The following AMPH variants were observed in gnomAD, a reference collection of about 807,000 sequenced individuals.
AMPH encodes amphiphysin, also known as amphiphysin (Stiff-Mann syndrome with breast cancer 128kD autoantigen).
AMPH carries 49 observed loss-of-function variants against 99.1 expected under a neutral mutation model. The ratio of observed to expected loss-of-function variants is 0.49; its 90% CI spans 0.39 to 0.63. The LOEUF is 0.63. Ranked by LOEUF, AMPH falls within the 20% of genes least tolerant of loss-of-function variation. The pLI, the probability that AMPH is intolerant of heterozygous loss-of-function variation, is 0.00. For missense variants in AMPH, 759 were observed against 863.4 expected (o/e 0.88, Z 1.52); for synonymous variants, 314 against 317.3 (o/e 0.99, Z 0.11).
At chr7:38,464,610 AT>A (rs1253962922) in intron 9 of AMPH, among the ~76,000 whole-genome samples, 1 of 152,200 alleles carries the variant, frequency 6.6e-6, no homozygotes, top group Non-Finnish European at 1.5e-5. Flanking sequence ...CAAATATAGA[AT>A]GTCAGGACTG....
chr7:38,456,990 C>T (rs1340403013), intron 11 of AMPH, among the ~76,000 whole-genome samples: 2 of 152,242 alleles, frequency 1.3e-5, no homozygotes, highest in African/African-American at 2.4e-5. Context: ...ACAACTGACA[C>T]TATTTACAGC....
chr7:38,391,890 C>G lies in AMPH; in HGVS notation c.1736G>C (p.Ser579Thr), dbSNP rs750272675. 2 of 1,612,646 alleles carry G rather than the reference C, an allele frequency of 1.2e-6. No individual in the cohort carries two copies. The highest frequency in any genetic ancestry group is 3.3e-5 in the Admixed American group (2 of 59,834). The change falls in exon 19 of 21, where the codon AGC becomes ACC. Residue 579 changes from serine to threonine, a missense_variant. Ser to Thr is a moderately conservative substitution (Grantham distance 58). Coordinates refer to ENST00000356264, the MANE Select transcript of AMPH (RefSeq NM_001635.4). ...TEDAAPPGPT[S>T]ETPELATEQK... Reference sequence around the variant, plus strand: ...CTCCGTAGCCAGCTCCGGTGTCTCGCTGGTGGGGCCCGGAGGAGCCGCGTC... The same window carrying G: ...CTCCGTAGCCAGCTCCGGTGTCTCGGTGGTGGGGCCCGGAGGAGCCGCGTC...
intron 1 of AMPH, among the ~76,000 whole-genome samples, chr7:38,547,464 C>T (rs1791032198): frequency 6.6e-6 from 1 of 152,210 alleles, no homozygotes; most frequent in South Asian, 2.1e-4. Flanking sequence ...ATACTAATCC[C>T]ACAACAATGG....
intron 1 of AMPH, among the ~76,000 whole-genome samples, chr7:38,548,832 CACAA>C (rs1379356335): frequency 2.6e-5 from 4 of 152,176 alleles, no homozygotes; most frequent in Non-Finnish European, 4.4e-5. Context: ...TTGCATAGTG[CACAA>C]ACAAGCTGGC....
At chr7:38,603,137 G>A (rs551999613) in intron 1 of AMPH, among the ~76,000 whole-genome samples, 22 of 151,948 alleles carry the variant, frequency 1.4e-4, no homozygotes, top group African/African-American at 2.7e-4. Flanking sequence ...GCAACATGGC[G>A]AAACCCCATC....
chr7:38,434,696 A>C (rs1055355520), intron 12 of AMPH, among the ~76,000 whole-genome samples: 18 of 150,872 alleles, frequency 1.2e-4, no homozygotes, highest in Admixed American at 1.3e-4. Flanking sequence ...CCAAGATCGC[A>C]CCACTGCACT....
intron 11 of AMPH, among the ~76,000 whole-genome samples, chr7:38,447,751 AACACACAC>A (rs34380529): frequency 7.2e-6 from 1 of 139,656 alleles, no homozygotes; most frequent in African/African-American, 2.7e-5. Context: ...CAGACAGATA[AACACACAC>A]ACACACACAC....
chr7:38,461,960 T>G (rs73352666), intron 10 of AMPH, among the ~76,000 whole-genome samples: 3,283 of 152,342 alleles, frequency 0.022, 112 homozygotes, highest in African/African-American at 0.072. Context: ...TGGTTCAATC[T>G]ATGATTTTTT....
At chr7:38,457,748 A>G (rs890388698) in intron 11 of AMPH, among the ~76,000 whole-genome samples, 7 of 152,222 alleles carry the variant, frequency 4.6e-5, no homozygotes, top group African/African-American at 1.7e-4. Context: ...TCTCAATGCT[A>G]TATTACAGTC....
At chr7:38,522,649 G>T (rs534021587) in intron 2 of AMPH, among the ~76,000 whole-genome samples, 2 of 152,294 alleles carry the variant, frequency 1.3e-5, no homozygotes, top group Admixed American at 1.3e-4. Flanking sequence ...CAGCTAGAGA[G>T]CTAGAGAGCA....
chr7:38,392,089 G>T, intron 18 of AMPH, 72 bp from the exon 19 acceptor site: 1 of 1,510,230 alleles, frequency 6.6e-7, no homozygotes, highest in Non-Finnish European at 8.9e-7. Context: ...TGCACAACCT[G>T]CCTTAGCCCC....
At chr7:38,463,273 T>G (rs1436940346) in intron 9 of AMPH, 160 bp from the exon 10 acceptor site, 1 of 895,052 alleles carries the variant, frequency 1.1e-6, no homozygotes, top group Non-Finnish European at 1.8e-6. Context: ...ACAGTGATGG[T>G]GATAACTGGT....
At chr7:38,565,444 G>T (rs1419568825) in intron 1 of AMPH, among the ~76,000 whole-genome samples, 1 of 152,156 alleles carries the variant, frequency 6.6e-6, no homozygotes, top group Non-Finnish European at 1.5e-5. Context: ...TCCTTGGCTT[G>T]CAGGTGGCTA....
intron 15 of AMPH, 95 bp from the exon 16 acceptor site, chr7:38,422,572 A>G (rs1344331465): frequency 1.4e-6 from 1 of 701,322 alleles, no homozygotes. Context: ...CTATCTATCT[A>G]TCTATCTATC....
chr7:38,463,191 GA>G (rs578061036), intron 9 of AMPH, 78 bp from the exon 10 acceptor site: 12 of 1,592,988 alleles, frequency 7.5e-6, no homozygotes, highest in Non-Finnish European at 1.0e-5. Context: ...CCATTTCAGA[GA>G]AACCCAGAAG....
chr7:38,430,566 C>T (rs1397806067), intron 13 of AMPH, among the ~76,000 whole-genome samples: 1 of 152,222 alleles, frequency 6.6e-6, no homozygotes, highest in Non-Finnish European at 1.5e-5. Context: ...TCTCCATACC[C>T]TCCCAGCGAG....
intron 1 of AMPH, among the ~76,000 whole-genome samples, chr7:38,563,690 C>T (rs1245443727): frequency 6.6e-6 from 1 of 152,092 alleles, no homozygotes; most frequent in South Asian, 2.1e-4. Flanking sequence ...TATTTGAAAA[C>T]AAAAATTATC....
chr7:38,596,634 C>T (rs978683450), intron 1 of AMPH, among the ~76,000 whole-genome samples: 18 of 152,218 alleles, frequency 1.2e-4, no homozygotes, highest in Admixed American at 7.2e-4. Context: ...AAAAATGAAA[C>T]GTGACGGGAA....
At position 38,571,060 on chromosome 7, in the gene AMPH, T is replaced by TA. The variant is rs570564303; in HGVS notation, c.70-36050_70-36049insT. On this transcript the variant is annotated intron_variant, in intron 1 of 20. Transcript: ENST00000356264. ...TATATAGAATATATATATTCATATA[T>TA]TGAATATATATAGAATATATATATT... Among the ~76,000 whole-genome samples the TA allele has an allele frequency of 1.3e-3, 75 of 56,622 alleles. 11 individuals are homozygous for TA. In the East Asian group the frequency reaches 0.028, roughly 21 times the overall value. 37.1% of individuals were successfully genotyped at this position (56,622 alleles called of 152,430 possible). A position where few individuals can be genotyped will look rare whatever the true frequency, so the allele number is the denominator to read the frequency against.
Sources: gnomAD v4.1 joint callset for allele counts (sites outside exome capture counted in the v4.1 genomes callset) on GRCh38, gnomAD v4.1.1 for gene constraint, MANE v1.5 for transcripts, NCBI Gene and HGNC (gene_info 2026-07-23, HGNC 2026-07-21) for gene names.